Variants in RPL6 observed in about 807,000 individuals in gnomAD.
The protein encoded by RPL6 is large ribosomal subunit protein eL6.
Under a neutral mutation model 32.1 loss-of-function variants are expected in RPL6, and 1 was observed. That is an observed-to-expected ratio of 0.03 (90% CI 0.01 to 0.15). RPL6 has a LOEUF of 0.15. Ranked by LOEUF, RPL6 falls within the 10% of genes least tolerant of loss-of-function variation. The pLI, the probability that RPL6 is intolerant of heterozygous loss-of-function variation, is 1.00. For synonymous variants in RPL6, 126 were observed against 131.6 expected (o/e 0.96, Z 0.29); for missense variants, 275 against 354.6 (o/e 0.78, Z 1.80).
At chr12:112,406,930 A>T in intron 3 of RPL6, 40 bp from the exon 4 acceptor site, 7 of 1,607,696 alleles carry the variant, frequency 4.4e-6, no homozygotes, top group Non-Finnish European at 6.0e-6. Context: ...TAAATAAGCC[A>T]TTCAGATTAC....
chr12:112,414,887 A>C (rs1037318839), upstream of RPL6, among the ~76,000 whole-genome samples: 9 of 151,980 alleles, frequency 5.9e-5, no homozygotes, highest in African/African-American at 2.2e-4. Flanking sequence ...CCTGGGAGAC[A>C]GAGTGAGACT....
chr12:112,405,360 T>C lies in RPL6; in HGVS notation c.731A>G (p.Glu244Gly). ...DTEKEKYEITEQRKIDQKAVD... is the reference protein window; with the variant it reads ...DTEKEKYEITGQRKIDQKAVD... ...AGCTTTCTGATCAATCTTGCGCTGC[T>C]CCGTAATCTCATATTTCTAAATAAA... Residue 244 changes from glutamate to glycine, a missense_variant, in exon 7 of 7, where the codon GAG (glutamate) becomes GGG (glycine). Glu to Gly is a moderately conservative substitution (Grantham distance 98). Transcript: ENST00000202773. 1 of 1,604,570 alleles carries C rather than the reference T, an allele frequency of 6.2e-7. No homozygotes were observed. Among genetic ancestry groups the C allele is most frequent in the South Asian group, 1.1e-5 (1 of 88,864 alleles).
intron 6 of RPL6, 173 bp downstream of exon 6, chr12:112,405,680 C>A: frequency 1.5e-6 from 1 of 651,654 alleles, no homozygotes. Flanking sequence ...CTAAGTTGAG[C>A]TCCCAGACTG....
Position 112,406,885 on chromosome 12 carries a change from T to C in RPL6, c.342A>G (p.Arg114=), listed in dbSNP as rs2037186845. Reference sequence around the variant, plus strand: ...GAGGCACATCTTCAGTAGGATAATATCTAGGCTGTGGAGAGTCCATAGATC... The same window carrying C: ...GAGGCACATCTTCAGTAGGATAATACCTAGGCTGTGGAGAGTCCATAGATC... ...TRVVKLRKMP[R]YYPTEDVPRK... The change falls in exon 4 of 7, where the codon AGA becomes AGG. Residue 114 remains arginine (R), a synonymous_variant. Coordinates refer to ENST00000202773, the MANE Select transcript of RPL6 (RefSeq NM_000970.6). 2.5e-6 allele frequency: 4 copies of C among 1,614,116 alleles called. No individual in the cohort carries two copies. Among genetic ancestry groups the C allele is most frequent in the East Asian group, 2.2e-5 (1 of 44,900 alleles).
chr12:112,408,074 T>C, intron 3 of RPL6, 166 bp downstream of exon 3: 1 of 612,604 alleles, frequency 1.6e-6, no homozygotes, highest in South Asian at 2.0e-5. Context: ...TTTAAATTAC[T>C]TAAGATTAAC....
At chr12:112,415,934 G>T (rs1349745642) in intron 1 of RPL6, among the ~76,000 whole-genome samples, 1 of 138,508 alleles carries the variant, frequency 7.2e-6, no homozygotes, top group African/African-American at 2.7e-5. Context: ...TGAATTCAAT[G>T]TAGGGAGTGA....
chr12:112,414,954 A>G (rs529220282), upstream of RPL6, among the ~76,000 whole-genome samples: 6 of 152,066 alleles, frequency 3.9e-5, no homozygotes, highest in Non-Finnish European at 7.4e-5. Flanking sequence ...GATGCTTCCT[A>G]TATGATACGG....
At chr12:112,415,278 G>C (rs909460190), upstream of RPL6, among the ~76,000 whole-genome samples, 4 of 152,060 alleles carry the variant, frequency 2.6e-5, no homozygotes, top group African/African-American at 9.7e-5. Flanking sequence ...GGGGACCAGA[G>C]TTAAAAAAAC....
At chr12:112,409,818 C>T (rs1224063434), upstream of RPL6, among the ~76,000 whole-genome samples, 4 of 151,832 alleles carry the variant, frequency 2.6e-5, no homozygotes, top group Non-Finnish European at 2.9e-5. Context: ...CGAGACCAGC[C>T]TGGCCAACAT....
chr12:112,414,633 G>T (rs577263155), upstream of RPL6, among the ~76,000 whole-genome samples: 1 of 152,184 alleles, frequency 6.6e-6, no homozygotes, highest in African/African-American at 2.4e-5. Context: ...GCCAGGCGCC[G>T]TGGCTCACGC....
chr12:112,408,808 T>TCTA lies in RPL6; in HGVS notation c.1-155_1-153dup, dbSNP rs528596937. The TCTA allele has an allele frequency of 6.0e-4, 401 of 665,238 alleles. 6 individuals carry two copies. In the South Asian group the frequency reaches 7.7e-3, roughly 13 times the overall value. 41.2% of individuals were successfully genotyped at this position (665,238 alleles called of 1,614,324 possible). On this transcript the variant is annotated intron_variant, in intron 1 of 6. Coordinates refer to ENST00000202773, the MANE Select transcript of RPL6 (RefSeq NM_000970.6). The stretch of plus-strand genomic sequence containing the variant: ...GGCCTTCCTCTCAAACTCTACCCAT[T>TCTA]CTACTCCAACCTTCACTATGACTCA...
chr12:112,416,111 A>G (rs1157691301), intron 1 of RPL6, among the ~76,000 whole-genome samples: 1 of 145,638 alleles, frequency 6.9e-6, no homozygotes, highest in Non-Finnish European at 1.5e-5. Flanking sequence ...GGTGCCTGCC[A>G]CTGCACCCAG....
chr12:112,410,394 A>G, upstream of RPL6: 1 of 238,880 alleles, frequency 4.2e-6, no homozygotes. Context: ...GGCCTACAGA[A>G]TGAGACTCTG....
At chr12:112,415,076 A>T (rs2135811179), upstream of RPL6, among the ~76,000 whole-genome samples, 1 of 152,310 alleles carries the variant, frequency 6.6e-6, no homozygotes, top group Middle Eastern at 3.4e-3. Flanking sequence ...AGTGGCTCCT[A>T]GCCTGAGATC....
upstream of RPL6, among the ~76,000 whole-genome samples, chr12:112,412,364 A>T (rs1271546452): frequency 6.6e-6 from 1 of 151,470 alleles, no homozygotes; most frequent in Non-Finnish European, 1.5e-5. Context: ...TATTGGAGAC[A>T]GGATTTCACC....
chr12:112,415,587 G>C (rs932797402), intron 1 of RPL6, among the ~76,000 whole-genome samples: 1 of 151,946 alleles, frequency 6.6e-6, no homozygotes, highest in Non-Finnish European at 1.5e-5. Flanking sequence ...ATGGTTGTGC[G>C]TGCCTGTAAT....
chr12:112,416,915 G>C (rs775724571), intron 1 of RPL6, among the ~76,000 whole-genome samples: 3 of 152,138 alleles, frequency 2.0e-5, no homozygotes, highest in Non-Finnish European at 4.4e-5. Flanking sequence ...TTTGTAAGGA[G>C]CACATGATGC....
rs998949161 is a variant in RPL6, at chr12:112,409,124, C to T, written c.-1+463G>A. 4.3e-5 allele frequency: 11 copies of T among 258,646 alleles called. No individual in the cohort carries two copies. In the Admixed American group the frequency reaches 4.9e-4, roughly 11 times the overall value. 16.0% of individuals were successfully genotyped at this position (258,646 alleles called of 1,614,324 possible). On this transcript the variant is annotated intron_variant, in intron 1 of 6. Coordinates refer to ENST00000202773, the MANE Select transcript of RPL6 (RefSeq NM_000970.6). ...TAGGAATTGCGGACACAAACGGAAT[C>T]AGCCCAAATTGAGCCAGAGAAAAAG...
chr12:112,408,629 C>G lies in RPL6; in HGVS notation c.28G>C (p.Asp10His). 6.4e-7 allele frequency: 1 copy of G among 1,565,948 alleles called. No homozygotes were observed. The highest frequency in any genetic ancestry group is 8.6e-7 in the Non-Finnish European group (1 of 1,168,534). The change falls in exon 2 of 7, where the codon GAT becomes CAT. Residue 10 changes from aspartate (D) to histidine (H), a missense_variant. Coordinates refer to ENST00000202773, the MANE Select transcript of RPL6 (RefSeq NM_000970.6). The stretch of plus-strand genomic sequence containing the variant: ...GCTTCGGGTTTCTTCTCTTTAGTAT[C>G]TGGCTTCTCAACTTTTTCACCCGCC... MAGEKVEKP[D>H]TKEKKPEAKK...
Sources: gnomAD v4.1 joint callset for allele counts (sites outside exome capture counted in the v4.1 genomes callset) on GRCh38, gnomAD v4.1.1 for gene constraint, MANE v1.5 for transcripts, NCBI Gene and HGNC (gene_info 2026-07-23, HGNC 2026-07-21) for gene names.